TPSD1: variants seen among roughly 807,000 people sequenced by gnomAD.
TPSD1 encodes the protein tryptase delta 1.
Under a neutral mutation model 25.4 loss-of-function variants are expected in TPSD1, and 30 were observed. That is an observed-to-expected ratio of 1.18 (90% CI 0.88 to 1.60). TPSD1 has a LOEUF of 1.60. Among genes scored for constraint, TPSD1 ranks in the 40% most tolerant of loss-of-function variants. The pLI, the probability that TPSD1 is intolerant of heterozygous loss-of-function variation, is 0.00. For missense variants in TPSD1, 420 were observed against 324.2 expected, an observed-to-expected ratio of 1.30 and a Z score of -2.27; for synonymous variants, 176 against 149.4, an observed-to-expected ratio of 1.18 and a Z score of -1.30.
chr16:1,256,656 T>C lies in TPSD1; in HGVS notation c.223T>C (p.Trp75Arg). The change falls in exon 2 of 5, where the codon TGG becomes CGG. Residue 75 changes from tryptophan (W) to arginine (R), a missense_variant. By Grantham distance (101) the Trp-to-Arg change is moderately radical. Transcript: ENST00000211076. ...FCGGSLIHPQ[W>R]VLTAAHCVEP... is the part of the protein sequence containing the mutation. ...CGGGGGCTCCCTCATCCACCCCCAG[T>C]GGGTGCTAACCGCGGCGCACTGCGT... 1.2e-6 allele frequency: 2 copies of C among 1,612,640 alleles called. No individual in the cohort carries two copies. Among genetic ancestry groups the C allele is most frequent in the Non-Finnish European group, 1.7e-6 (2 of 1,179,532 alleles).
chr16:1,256,425 G>A (rs1417920711), intron 1 of TPSD1, 63 bp downstream of exon 1: 9 of 1,610,422 alleles, frequency 5.6e-6, no homozygotes, highest in Non-Finnish European at 7.6e-6. Context: ...GCCTGGGTGG[G>A]TTCTGGGGAG....
Position 1,256,280 on chromosome 16 carries a change from G to C in TPSD1, c.-1G>C, listed in dbSNP as rs762590630. On this transcript the variant is annotated 5_prime_UTR_variant, in exon 1 of 5. Transcript: ENST00000211076. ...CCCTGTGAGGCCCGGCCAGGCCCACGATGCTCCTCCTTGCTCCCCAGATGC... is the reference window on the plus strand; with the variant it reads ...CCCTGTGAGGCCCGGCCAGGCCCACCATGCTCCTCCTTGCTCCCCAGATGC... 7 of 1,613,488 alleles carry C rather than the reference G, an allele frequency of 4.3e-6. No individual in the cohort carries two copies. The highest frequency in any genetic ancestry group is 5.9e-6 in the Non-Finnish European group (7 of 1,179,732).
intron 1 of TPSD1, 25 bp from the exon 2 acceptor site, chr16:1,256,491 G>T: frequency 6.2e-7 from 1 of 1,605,940 alleles, no homozygotes; most frequent in Middle Eastern, 2.2e-4. Flanking sequence ...GCGGCTTCTT[G>T]GTCCTGACCT....
chr16:1,258,113 A>G lies in TPSD1; in HGVS notation c.575A>G (p.Asn192Ser). Residue 192 changes from asparagine to serine, a missense_variant, in exon 4 of 5, where the codon AAC becomes AGC. By Grantham distance (46) the Asn-to-Ser change is conservative. Transcript: ENST00000211076. The stretch of plus-strand genomic sequence containing the variant: ...GAGGTGGAAGTCCCCGTAGTGGAAA[A>G]CCACCTTTGCAACGCGGAATATCAC... ...LKEVEVPVVE[N>S]HLCNAEYHTG... 6.2e-7 allele frequency: 1 copy of G among 1,607,048 alleles called. No homozygotes were observed. The highest frequency in any genetic ancestry group is 8.5e-7 in the Non-Finnish European group (1 of 1,177,226).
chr16:1,256,635 G>T lies in TPSD1; in HGVS notation c.202G>T (p.Gly68Cys), dbSNP rs767494248. 1.2e-6 allele frequency: 2 copies of T among 1,612,982 alleles called. No individual in the cohort carries two copies. The highest frequency in any genetic ancestry group is 1.7e-6 in the Non-Finnish European group (2 of 1,179,710). The part of the protein sequence containing the change: ...RGPYWMHFCG[G>C]SLIHPQWVLT... Reference sequence around the variant, plus strand: ...CCCATACTGGATGCACTTCTGCGGGGGCTCCCTCATCCACCCCCAGTGGGT... The same window carrying T: ...CCCATACTGGATGCACTTCTGCGGGTGCTCCCTCATCCACCCCCAGTGGGT... Residue 68 changes from glycine to cysteine, a missense_variant, in exon 2 of 5, where the codon GGC becomes TGC. Gly to Cys is a radical substitution (Grantham distance 159). Coordinates refer to ENST00000211076, the MANE Select transcript of TPSD1 (RefSeq NM_012217.3).
intron 3 of TPSD1, chr16:1,257,452 AGGCAGG>A (rs1382349437): frequency 2.5e-5 from 7 of 284,974 alleles, no homozygotes; most frequent in South Asian, 1.4e-4. Flanking sequence ...GCTACAGACA[AGGCAGG>A]GGCCTGGGAA....
chr16:1,258,521 G>C lies in TPSD1; in HGVS notation c.*145G>C, dbSNP rs1274909394. 5 of 1,604,890 alleles carry C rather than the reference G, an allele frequency of 3.1e-6. No individual in the cohort carries two copies. The highest frequency in any genetic ancestry group is 4.3e-6 in the Non-Finnish European group (5 of 1,175,002). ...AGCCAGGCCTGGGGTGTCCACCCGGGTCACTGGAGGGCCAGCCCCTCCTGT... is the reference window on the plus strand; with the variant it reads ...AGCCAGGCCTGGGGTGTCCACCCGGCTCACTGGAGGGCCAGCCCCTCCTGT... On this transcript the variant is annotated 3_prime_UTR_variant, in exon 5 of 5. Coordinates refer to ENST00000211076, the MANE Select transcript of TPSD1 (RefSeq NM_012217.3).
In TPSD1 at chr16:1,256,331, C is replaced by G. The variant is rs768296802; in HGVS notation, c.51C>G (p.Pro17=). 1.9e-6 allele frequency: 3 copies of G among 1,613,376 alleles called. No individual in the cohort carries two copies. Among genetic ancestry groups the G allele is most frequent in the East Asian group, 2.2e-5 (1 of 44,898 alleles). Residue 17 remains proline (P), a synonymous_variant, in exon 1 of 5, where the codon CCC becomes CCG. Coordinates refer to ENST00000211076, the MANE Select transcript of TPSD1 (RefSeq NM_012217.3). ...TGAGCCTGCTGCTGCTGGCGCTGCC[C>G]GTCCTGGCGAGCCCGGCCTACGTGG... ...QMLSLLLLAL[P]VLASPAYVAP... is the part of the protein sequence containing the mutation.
At chr16:1,257,447 A>C (rs1158883905) in intron 3 of TPSD1, 1 of 297,196 alleles carries the variant, frequency 3.4e-6, no homozygotes, top group Non-Finnish European at 6.3e-6. Flanking sequence ...CCTGTGCTAC[A>C]GACAAGGCAG....
chr16:1,258,038 C>G (rs1456645500), intron 3 of TPSD1, 21 bp from the exon 4 acceptor site: 1 of 1,558,932 alleles, frequency 6.4e-7, no homozygotes, highest in Non-Finnish European at 8.7e-7. Context: ...GACCCGGCTC[C>G]ACGCCCCCCT....
rs139808778 is a variant in TPSD1, at chr16:1,256,887, C to T, written c.345C>T (p.Ile115=). The change falls in exon 3 of 5, where the codon ATC becomes ATT. Residue 115 remains isoleucine, a synonymous_variant. Transcript: ENST00000211076. ...QDQLLPVSRI[I]VHPQFYIIQT... ...AGCTGCTGCCGGTCAGCAGGATCAT[C>T]GTGCACCCACAGTTCTACATCATCC... 2.3e-5 allele frequency: 37 copies of T among 1,613,734 alleles called. No homozygotes were observed. Among genetic ancestry groups the T allele is most frequent in the East Asian group, 6.7e-5 (3 of 44,904 alleles).
chr16:1,258,149 A>C lies in TPSD1; in HGVS notation c.611A>C (p.His204Pro). The change falls in exon 4 of 5, where the codon CAT becomes CCT. Residue 204 changes from histidine to proline, a missense_variant. Coordinates refer to ENST00000211076, the MANE Select transcript of TPSD1 (RefSeq NM_012217.3). Reference protein sequence around the residue: ...LCNAEYHTGLHTGHSFQIVRD... With the variant: ...LCNAEYHTGLPTGHSFQIVRD... ...AACGCGGAATATCACACCGGCCTCC[A>C]TACGGGCCACAGCTTTCAAATCGTC... 1 of 1,612,352 alleles carries C rather than the reference A, an allele frequency of 6.2e-7. No homozygotes were observed. The highest frequency in any genetic ancestry group is 8.5e-7 in the Non-Finnish European group (1 of 1,179,634).
chr16:1,257,016 G>C lies in TPSD1; in HGVS notation c.474G>C (p.Pro158=). 6.2e-7 allele frequency: 1 copy of C among 1,613,044 alleles called. No individual in the cohort carries two copies. The highest frequency in any genetic ancestry group is 8.5e-7 in the Non-Finnish European group (1 of 1,179,678). Residue 158 remains proline (P), a synonymous_variant, in exon 3 of 5, where the codon CCG becomes CCC. Coordinates refer to ENST00000211076, the MANE Select transcript of TPSD1 (RefSeq NM_012217.3). ...CCCCTGCCTCGGAGACCTTCCCCCC[G>C]GGGATGCCGTGCTGGGTCACTGGCT... ...TLPPASETFP[P]GMPCWVTGWG...
chr16:1,257,360 T>G (rs1460498870), intron 3 of TPSD1: 1 of 492,688 alleles, frequency 2.0e-6, no homozygotes, highest in Non-Finnish European at 3.6e-6. Flanking sequence ...ACTTGCTATG[T>G]GGAGAGAGAA....
rs1364076281 is a variant in TPSD1, at chr16:1,258,095, A to T, written c.557A>T (p.Glu186Val). The change falls in exon 4 of 5, where the codon GAA becomes GTA. Residue 186 changes from glutamate (E) to valine (V), a missense_variant. Coordinates refer to ENST00000211076, the MANE Select transcript of TPSD1 (RefSeq NM_012217.3). ...LPPPYPLKEVEVPVVENHLCN... is the reference protein window; with the variant it reads ...LPPPYPLKEVVVPVVENHLCN... Reference sequence around the variant, plus strand: ...CCGCCATACCCGCTGAAGGAGGTGGAAGTCCCCGTAGTGGAAAACCACCTT... The same window carrying T: ...CCGCCATACCCGCTGAAGGAGGTGGTAGTCCCCGTAGTGGAAAACCACCTT... The T allele has an allele frequency of 6.2e-7, 1 of 1,600,336 alleles. No individual in the cohort carries two copies. Among genetic ancestry groups the T allele is most frequent in the African/African-American group, 1.3e-5 (1 of 74,838 alleles).
intron 3 of TPSD1, 180 bp from the exon 4 acceptor site, chr16:1,257,879 C>T (rs1200955965): frequency 2.9e-6 from 2 of 693,426 alleles, no homozygotes; most frequent in South Asian, 1.9e-5. Flanking sequence ...GGCCAGGGAC[C>T]CAGGACCAGC....
Position 1,258,046 on chromosome 16 carries a change from C to A in TPSD1, c.521-13C>A, listed in dbSNP as rs781525516. 6 of 1,564,894 alleles carry A rather than the reference C, an allele frequency of 3.8e-6. No homozygotes were observed. In the Admixed American group the frequency reaches 9.4e-5, roughly 25 times the overall value. On this transcript the variant is annotated splice_polypyrimidine_tract_variant and intron_variant, in intron 3 of 4. Transcript: ENST00000211076. Reference sequence around the variant, plus strand: ...GGCCCCAGACCCGGCTCCACGCCCCCCTCCGCCCCCAGTGCACCTGCCGCC... The same window carrying A: ...GGCCCCAGACCCGGCTCCACGCCCCACTCCGCCCCCAGTGCACCTGCCGCC...
Position 1,256,909 on chromosome 16 carries a change from A to T in TPSD1, c.367A>T (p.Ile123Phe), listed in dbSNP as rs751809591. The change falls in exon 3 of 5, where the codon ATC becomes TTC. Residue 123 changes from isoleucine to phenylalanine, a missense_variant. Ile to Phe is a conservative substitution (Grantham distance 21). Transcript: ENST00000211076. ...RIIVHPQFYI[I>F]QTGADIALLE... is the part of the protein sequence containing the mutation. ...CATCGTGCACCCACAGTTCTACATC[A>T]TCCAGACCGGGGCGGACATCGCCCT... is the stretch of plus-strand genomic sequence containing the variant. 6.2e-7 allele frequency: 1 copy of T among 1,613,948 alleles called. No homozygotes were observed. The highest frequency in any genetic ancestry group is 1.7e-5 in the Admixed American group (1 of 60,028).
chr16:1,258,049 C>G lies in TPSD1; in HGVS notation c.521-10C>G. ...CCCAGACCCGGCTCCACGCCCCCCT[C>G]CGCCCCCAGTGCACCTGCCGCCGCC... On this transcript the variant is annotated splice_polypyrimidine_tract_variant and intron_variant, in intron 3 of 4. Transcript: ENST00000211076. 1 of 1,566,928 alleles carries G rather than the reference C, an allele frequency of 6.4e-7. No homozygotes were observed. Among genetic ancestry groups the G allele is most frequent in the African/African-American group, 1.4e-5 (1 of 73,986 alleles).
Sources: allele counts gnomAD v4.1 joint callset, GRCh38; gene constraint gnomAD v4.1.1; transcripts MANE v1.5; gene names NCBI Gene and HGNC (gene_info 2026-07-23, HGNC 2026-07-21).